The following TENM3 variants were observed in gnomAD, a reference collection of about 807,000 sequenced individuals.
TENM3 encodes teneurin-3.
In TENM3, 63 loss-of-function variants were observed where a neutral mutation model predicts 255.1. That is an observed-to-expected ratio of 0.25 (90% confidence interval 0.20 to 0.30). The LOEUF (loss-of-function observed/expected upper bound fraction) is 0.30, where lower values mean the gene tolerates loss of function less well. Ranked by LOEUF, TENM3 falls within the 10% of genes least tolerant of loss-of-function variation. The pLI, the probability that TENM3 is intolerant of heterozygous loss-of-function variation, is 1.00. For missense variants in TENM3, 2,929 were observed against 3,461.1 expected, an observed-to-expected ratio of 0.85 and a Z score of 3.86; for synonymous variants, 1,306 against 1,322.3, an observed-to-expected ratio of 0.99 and a Z score of 0.27.
chr4:182,769,418 C>T (rs143041818), intron 22 of TENM3, among the ~76,000 whole-genome samples: 11 of 150,450 alleles, frequency 7.3e-5, no homozygotes, highest in East Asian at 1.9e-4. Flanking sequence ...TTTACTCGTC[C>T]GCACTGAAAT....
the TENM3 span, among the ~76,000 whole-genome samples, chr4:181,720,459 T>C: frequency 3.3e-5 from 5 of 152,328 alleles, no homozygotes; most frequent in African/African-American, 1.2e-4. Flanking sequence ...TTTTATACCA[T>C]TTTTCCCTCA....
intron 3 of TENM3, among the ~76,000 whole-genome samples, chr4:182,370,231 T>C (rs1181823276): frequency 6.6e-6 from 1 of 152,202 alleles, no homozygotes; most frequent in African/African-American, 2.4e-5. Context: ...GTAAGAAAAG[T>C]TAGATTTAAG....
chr4:181,723,818 T>A, the TENM3 span, among the ~76,000 whole-genome samples: 1 of 152,304 alleles, frequency 6.6e-6, no homozygotes, highest in Non-Finnish European at 1.5e-5. Context: ...CTCAATGGAT[T>A]TTTGATACTT....
the TENM3 span, among the ~76,000 whole-genome samples, chr4:181,465,582 T>C: frequency 1.3e-5 from 2 of 152,234 alleles, no homozygotes; most frequent in African/African-American, 4.8e-5. Context: ...ATAAATGTTA[T>C]ATTTATTTCT....
the TENM3 span, among the ~76,000 whole-genome samples, chr4:181,700,062 T>C: frequency 5.3e-5 from 8 of 152,298 alleles, no homozygotes; most frequent in Non-Finnish European, 1.0e-4. Flanking sequence ...TGTTCCATCA[T>C]TCACATTCAG....
At chr4:181,880,876 C>A in the TENM3 span, among the ~76,000 whole-genome samples, 1 of 152,164 alleles carries the variant, frequency 6.6e-6, no homozygotes, top group Non-Finnish European at 1.5e-5. Flanking sequence ...CTATGACCAA[C>A]TTCCAATGCC....
At chr4:181,600,903 C>T in the TENM3 span, among the ~76,000 whole-genome samples, 2 of 151,892 alleles carry the variant, frequency 1.3e-5, no homozygotes, top group Non-Finnish European at 2.9e-5. Context: ...CTGCTCTCCT[C>T]CCAGAAGTGC....
At chr4:182,543,343 A>G (rs1741088980) in intron 3 of TENM3, among the ~76,000 whole-genome samples, 2 of 152,154 alleles carry the variant, frequency 1.3e-5, no homozygotes, top group African/African-American at 2.4e-5. Context: ...GAAAGAAGAA[A>G]GGTTCTATGT....
At chr4:181,665,189 A>G in the TENM3 span, among the ~76,000 whole-genome samples, 1 of 152,144 alleles carries the variant, frequency 6.6e-6, no homozygotes, top group Admixed American at 6.6e-5. Context: ...GCACCAGAAC[A>G]TCATCTCTTT....
At chr4:182,610,695 C>T (rs1457718927) in intron 4 of TENM3, among the ~76,000 whole-genome samples, 19 of 151,684 alleles carry the variant, frequency 1.3e-4, no homozygotes. Flanking sequence ...TTTTTTTCTC[C>T]CAAAGAGCTG....
At chr4:181,867,902 A>T in the TENM3 span, among the ~76,000 whole-genome samples, 1 of 152,164 alleles carries the variant, frequency 6.6e-6, no homozygotes, top group African/African-American at 2.4e-5. Context: ...CATTTTGTTT[A>T]AAGTCCTATT....
chr4:181,457,436 AT>A, the TENM3 span, among the ~76,000 whole-genome samples: 17 of 150,536 alleles, frequency 1.1e-4, no homozygotes, highest in African/African-American at 3.4e-4. Context: ...CTTGGTAGTC[AT>A]TTTTTTTTGT....
chr4:181,972,751 AT>A, the TENM3 span, among the ~76,000 whole-genome samples: 1 of 152,202 alleles, frequency 6.6e-6, no homozygotes, highest in Non-Finnish European at 1.5e-5. Flanking sequence ...CCGAGATTGA[AT>A]TTCCAGATCC....
chr4:182,799,511 C>A lies in TENM3; in HGVS notation c.7345-85C>A. ...CGGGGCTTCCATGCATGCCCCGGCG[C>A]TGCCCCCAGAGTCCCGTGTGTGGGT... On this transcript the variant is annotated intron_variant, in intron 27 of 27. Coordinates refer to ENST00000511685, the MANE Select transcript of TENM3 (RefSeq NM_001080477.4). This position sits in a 1 kb window ranked among gnomAD's most constrained non-coding sequence, Gnocchi z 4.2. The A allele has an allele frequency of 6.7e-7, 1 of 1,483,300 alleles. No individual in the cohort carries two copies. Among genetic ancestry groups the A allele is most frequent in the Non-Finnish European group, 8.9e-7 (1 of 1,124,440 alleles). 91.9% of individuals were successfully genotyped at this position (1,483,300 alleles called of 1,614,324 possible).
chr4:181,703,505 T>A, the TENM3 span, among the ~76,000 whole-genome samples: 1 of 152,182 alleles, frequency 6.6e-6, no homozygotes, highest in African/African-American at 2.4e-5. Flanking sequence ...TTTAACGAGG[T>A]GCCATATTGA....
intron 1 of TENM3, among the ~76,000 whole-genome samples, chr4:182,156,011 A>ATT (rs56399249): frequency 8.4e-5 from 10 of 118,524 alleles, no homozygotes; most frequent in African/African-American, 2.3e-4. Flanking sequence ...CTGTTTGAGG[A>ATT]TTTTTTTTTT....
chr4:181,769,191 CTT>C, the TENM3 span, among the ~76,000 whole-genome samples: 4 of 152,270 alleles, frequency 2.6e-5, no homozygotes, highest in East Asian at 7.7e-4. Context: ...TAACTCAACT[CTT>C]GTGAAGAATC....
chr4:182,399,143 G>A (rs1411843004), intron 3 of TENM3, among the ~76,000 whole-genome samples: 2 of 152,164 alleles, frequency 1.3e-5, no homozygotes, highest in Admixed American at 6.5e-5. Flanking sequence ...AATCCGTAGA[G>A]CTAAGTGGTA....
intron 2 of TENM3, among the ~76,000 whole-genome samples, chr4:182,334,026 G>A (rs1763944483): frequency 6.6e-6 from 1 of 152,144 alleles, no homozygotes; most frequent in South Asian, 2.1e-4. Flanking sequence ...TTTTGGACAA[G>A]TTACATAATT....
Sources: gnomAD v4.1 joint callset for allele counts (sites outside exome capture counted in the v4.1 genomes callset) on GRCh38, gnomAD v4.1.1 for gene constraint, Gnocchi (gnomAD v3.1) non-coding constraint, MANE v1.5 for transcripts, NCBI Gene and HGNC (gene_info 2026-07-23, HGNC 2026-07-21) for gene names.